Variants in CLDN2 observed in about 807,000 individuals in gnomAD.
CLDN2 encodes claudin 2, also known as claudin-2.
A neutral mutation model predicts 8.2 loss-of-function variants in CLDN2; 1 was observed. That is an observed-to-expected ratio of 0.12 (90% CI 0.04 to 0.58). The LOEUF (loss-of-function observed/expected upper bound fraction) is 0.58, where lower values mean the gene tolerates loss of function less well. CLDN2 is among the 20% of genes least tolerant of loss of function. CLDN2 has a pLI of 0.90. For synonymous variants in CLDN2, 70 were observed against 70.2 expected (o/e 1.00, Z 0.01); for missense variants, 108 against 172.9 (o/e 0.62, Z 2.11).
At chrX:106,922,606 T>TACA (rs1933407821) in intron 1 of CLDN2, among the ~76,000 whole-genome samples, 1 of 111,949 alleles carries the variant, frequency 8.9e-6, no homozygotes, top group African/African-American at 3.3e-5. Context: ...AAAGCTCAGA[T>TACA]ACAAATAGGA....
At chrX:106,919,425 G>GT (rs1218766397), upstream of CLDN2, among the ~76,000 whole-genome samples, 2 of 111,446 alleles carry the variant, frequency 1.8e-5, no homozygotes, top group Admixed American at 1.9e-4. Flanking sequence ...TCCACAGCAT[G>GT]TTTTTTTGTT....
intron 1 of CLDN2, 22 bp downstream of exon 1, chrX:106,920,573 T>C (rs1482972208): frequency 9.0e-6 from 1 of 111,162 alleles, no homozygotes; most frequent in African/African-American, 3.3e-5. Flanking sequence ...CATCCTGATA[T>C]AGTTGCTGCC....
At position 106,928,563 on chromosome X, in the gene CLDN2, G is replaced by T; in HGVS notation, c.335G>T (p.Arg112Leu). 1 of 1,211,591 alleles carries T rather than the reference G, an allele frequency of 8.3e-7. No homozygotes were observed. Residue 112 changes from arginine to leucine, a missense_variant, in exon 2 of 2, where the codon CGA (arginine) becomes CTA (leucine). Around this residue, in one of 2 missense-constraint regions of CLDN2, gnomAD observed 81 missense variants for 100.8 expected, o/e 0.80. Transcript: ENST00000336803. ...MRCTVFCQESRAKDRVAVAGG... is the reference protein window; with the variant it reads ...MRCTVFCQESLAKDRVAVAGG... ...TGCACAGTCTTCTGCCAGGAATCCC[G>T]AGCCAAAGACAGAGTGGCGGTAGCA...
In CLDN2 at chrX:106,929,652, G is replaced by A. The variant is rs41309528; in HGVS notation, c.*731G>A. 2,924 of 122,864 alleles carry A rather than the reference G, an allele frequency of 0.024. 36 individuals are homozygous for A. Among genetic ancestry groups the A allele is most frequent in the Non-Finnish European group, 0.036 (1,939 of 53,133 alleles). 10.1% of individuals were successfully genotyped at this position (122,864 alleles called of 1,213,427 possible). ...AGAATTCTCTCATATTTGTGGGCTG[G>A]GATCAAGCCTGCAGCTTGAGGAAAG... is the stretch of plus-strand genomic sequence containing the variant. On this transcript the variant is annotated 3_prime_UTR_variant, in exon 2 of 2. Transcript: ENST00000336803.
chrX:106,922,091 C>G (rs964606326), intron 1 of CLDN2, among the ~76,000 whole-genome samples: 5 of 112,194 alleles, frequency 4.5e-5, no homozygotes, highest in African/African-American at 9.7e-5. Flanking sequence ...ACTGACACAA[C>G]AAGAAGCTAG....
exon 1 of CLDN2, chrX:106,900,378 T>G: frequency 7.3e-6 from 1 of 137,505 alleles, no homozygotes; most frequent in Non-Finnish European, 1.4e-5. Flanking sequence ...GGGCATTCCC[T>G]GCCCTGCTCT....
chrX:106,920,278 A>C (rs1008101474), upstream of CLDN2: 22 of 109,149 alleles, frequency 2.0e-4, no homozygotes, highest in South Asian at 7.9e-4. Flanking sequence ...GACAGAAAAA[A>C]AAAAACACAC....
upstream of CLDN2, among the ~76,000 whole-genome samples, chrX:106,917,291 A>G (rs751294375): frequency 8.9e-6 from 1 of 112,464 alleles, no homozygotes; most frequent in East Asian, 2.8e-4. Flanking sequence ...CAGAGGTACC[A>G]ATGAAGAAGT....
chrX:106,923,225 G>A (rs974256255), intron 1 of CLDN2, among the ~76,000 whole-genome samples: 1 of 112,128 alleles, frequency 8.9e-6, no homozygotes, highest in Non-Finnish European at 1.9e-5. Context: ...TGCCCGCCTC[G>A]GCCTCCCAAA....
In CLDN2 at chrX:106,928,207, C is replaced by T. The variant is rs1244391417; in HGVS notation, c.-22C>T. ...AAGACAAGGGAGCAGTCCCTGAAGA[C>T]GCTTCTACTGAGAGGTCTGCCATGG... On this transcript the variant is annotated 5_prime_UTR_variant, in exon 2 of 2. It adds an upstream start codon to the 5' untranslated region. Transcript: ENST00000336803. The T allele has an allele frequency of 2.6e-6, 3 of 1,159,890 alleles. No individual in the cohort carries two copies. The highest frequency in any genetic ancestry group is 2.2e-5 in the Admixed American group (1 of 44,943).
At chrX:106,913,436 G>A (rs778189443), upstream of CLDN2, among the ~76,000 whole-genome samples, 5 of 112,115 alleles carry the variant, frequency 4.5e-5, no homozygotes, top group Admixed American at 9.4e-5. Context: ...AAGGTTCACC[G>A]ATACGGTTTA....
At chrX:106,920,660 A>G (rs1319791484) in intron 1 of CLDN2, 109 bp downstream of exon 1, 2 of 111,486 alleles carry the variant, frequency 1.8e-5, no homozygotes, top group African/African-American at 6.5e-5. Flanking sequence ...AGGCTGGGCC[A>G]CCTTGGGTTT....
chrX:106,918,806 G>A (rs780485840), upstream of CLDN2, among the ~76,000 whole-genome samples: 6 of 111,674 alleles, frequency 5.4e-5, no homozygotes, highest in Non-Finnish European at 1.1e-4. Flanking sequence ...TACAGACCTA[G>A]ATTCCAAGTC....
At chrX:106,903,355 T>C in intron 1 of CLDN2, 6 of 1,059,756 alleles carry the variant, frequency 5.7e-6, no homozygotes, top group Non-Finnish European at 7.5e-6. Context: ...TGGCTTTTCC[T>C]GGGAGACCCT....
At position 106,928,597 on chromosome X, in the gene CLDN2, CTT is replaced by C; in HGVS notation, c.373_374del (p.Phe125HisfsTer29). The C allele has an allele frequency of 8.3e-7, 1 of 1,211,525 alleles. No individual in the cohort carries two copies. ...ACAGAGTGGCGGTAGCAGGTGGAGT[CTT>C]TTTCATCCTTGGAGGCCTCCTGGGA... is the stretch of plus-strand genomic sequence containing the variant. Reference protein sequence around the residue: ...KDRVAVAGGVFFILGGLLGFI... With the variant: ...KDRVAVAGGVXFILGGLLGFI... On this transcript the variant is annotated frameshift_variant, in exon 2 of 2. Coordinates refer to ENST00000336803, the MANE Select transcript of CLDN2 (RefSeq NM_020384.4). LOFTEE classifies it high-confidence loss of function.
chrX:106,905,392 G>T (rs778162764), intron 1 of CLDN2, among the ~76,000 whole-genome samples: 1 of 112,395 alleles, frequency 8.9e-6, no homozygotes, highest in African/African-American at 3.2e-5. Flanking sequence ...TTTTCTAAGT[G>T]CAAGATAGAT....
upstream of CLDN2, among the ~76,000 whole-genome samples, chrX:106,919,881 C>T (rs914548502): frequency 8.9e-6 from 1 of 112,638 alleles, no homozygotes; most frequent in African/African-American, 3.2e-5. Flanking sequence ...TACTCAGTTC[C>T]ACCTTGTAGG....
chrX:106,907,695 C>T (rs1345251429), intron 1 of CLDN2, among the ~76,000 whole-genome samples: 3 of 92,133 alleles, frequency 3.3e-5, no homozygotes, highest in East Asian at 3.3e-4. Context: ...AGCGAGACTC[C>T]GTCTCAAAAT....
intron 1 of CLDN2, among the ~76,000 whole-genome samples, chrX:106,921,140 C>A (rs1218908618): frequency 8.9e-6 from 1 of 112,269 alleles, no homozygotes; most frequent in Non-Finnish European, 1.9e-5. Context: ...CACTTATGGC[C>A]GGGGAGATCG....
Sources: gnomAD v4.1 joint callset for allele counts (sites outside exome capture counted in the v4.1 genomes callset) on GRCh38, gnomAD v4.1.1 for gene constraint, gnomAD v4.1.1 regional missense constraint, MANE v1.5 for transcripts, NCBI Gene and HGNC (gene_info 2026-07-23, HGNC 2026-07-21) for gene names.